ADCY10: variants seen among roughly 807,000 people sequenced by gnomAD.
The protein encoded by ADCY10 is adenylate cyclase 10, also known as adenylate cyclase type 10.
A neutral mutation model predicts 183.3 loss-of-function variants in ADCY10; 156 were observed. The observed-to-expected ratio is 0.85, with a 90% CI of 0.75 to 0.97. The LOEUF is 0.97. Ranked by LOEUF, ADCY10 falls within the 50% of genes least tolerant of loss-of-function variation. The pLI, the probability that ADCY10 is intolerant of heterozygous loss-of-function variation, is 0.00. For missense variants in ADCY10, 1,745 were observed against 1,934.3 expected, an observed-to-expected ratio of 0.90 and a Z score of 1.84; for synonymous variants, 645 against 670.0, an observed-to-expected ratio of 0.96 and a Z score of 0.58.
Position 167,901,741 on chromosome 1 carries a change from T to C in ADCY10, c.357A>G (p.Val119=). The part of the protein sequence containing the change: ...RKQLKNIITV[V]IKCSLEIHGL... Reference sequence around the variant, plus strand: ...CATGGATCTCCAGGCTACATTTAATTACCACTGTGATAATGTTTTTCAGCT... The same window carrying C: ...CATGGATCTCCAGGCTACATTTAATCACCACTGTGATAATGTTTTTCAGCT... The change falls in exon 5 of 33, where the codon GTA becomes GTG. Residue 119 remains valine, a synonymous_variant. Coordinates refer to ENST00000367851, the MANE Select transcript of ADCY10 (RefSeq NM_018417.6). The C allele has an allele frequency of 1.2e-6, 2 of 1,614,202 alleles. No individual in the cohort carries two copies. Among genetic ancestry groups the C allele is most frequent in the South Asian group, 1.1e-5 (1 of 91,084 alleles).
At chr1:167,823,283 G>C (rs1663038193) in intron 28 of ADCY10, among the ~76,000 whole-genome samples, 160 bp from the exon 29 acceptor site, 1 of 151,958 alleles carries the variant, frequency 6.6e-6, no homozygotes, top group Non-Finnish European at 1.5e-5. Context: ...AAATTAGCTG[G>C]GCATGGTGGC....
chr1:167,885,161 T>C (rs940038120), intron 8 of ADCY10, among the ~76,000 whole-genome samples: 7 of 152,260 alleles, frequency 4.6e-5, no homozygotes, highest in African/African-American at 1.4e-4. Flanking sequence ...TGTGTATATG[T>C]ACCACATTTT....
chr1:167,896,919 G>A (rs2102383401), intron 6 of ADCY10, among the ~76,000 whole-genome samples: 1 of 152,266 alleles, frequency 6.6e-6, no homozygotes, highest in African/African-American at 2.4e-5. Context: ...TGTACAGAGA[G>A]GGTCATTCCA....
chr1:167,842,809 A>C (rs1271799600), intron 21 of ADCY10, among the ~76,000 whole-genome samples: 1 of 152,152 alleles, frequency 6.6e-6, no homozygotes, highest in African/African-American at 2.4e-5. Flanking sequence ...ATAGCCAGAA[A>C]ACAGATGTCA....
intron 7 of ADCY10, among the ~76,000 whole-genome samples, chr1:167,894,799 T>C (rs1668845479): frequency 6.6e-6 from 1 of 152,106 alleles, no homozygotes; most frequent in South Asian, 2.1e-4. Context: ...GCCGGTGGTC[T>C]GGGGATCCCA....
In ADCY10 at chr1:167,834,400, A is replaced by G. The variant is rs538356712; in HGVS notation, c.3310-323T>C. The G allele has an allele frequency of 1.3e-4, 53 of 421,824 alleles. No individual in the cohort carries two copies. In the Admixed American group the frequency reaches 1.4e-3, roughly 11 times the overall value. 26.1% of individuals were successfully genotyped at this position (421,824 alleles called of 1,614,324 possible). A position where few individuals can be genotyped will look rare whatever the true frequency, so the allele number is the denominator to read the frequency against. On this transcript the variant is annotated intron_variant, in intron 23 of 32. Coordinates refer to ENST00000367851, the MANE Select transcript of ADCY10 (RefSeq NM_018417.6). ...CCCTCAAGCCAGTTTCTTCCTCTCA[A>G]TAATTCTATCCCCAACCTCCCTATT...
intron 31 of ADCY10, among the ~76,000 whole-genome samples, chr1:167,812,978 GA>G (rs1212528305): frequency 6.6e-6 from 1 of 152,050 alleles, no homozygotes; most frequent in Admixed American, 6.5e-5. Context: ...AAAGATTGAA[GA>G]AAAGTTAACA....
intron 11 of ADCY10, 101 bp from the exon 12 acceptor site, chr1:167,878,736 C>T (rs1235947395): frequency 8.3e-7 from 1 of 1,202,496 alleles, no homozygotes; most frequent in Non-Finnish European, 1.2e-6. Flanking sequence ...ACCCTTTACT[C>T]CCTTTGCTGT....
intron 7 of ADCY10, 35 bp from the exon 8 acceptor site, chr1:167,893,976 G>A (rs765574833): frequency 3.4e-5 from 52 of 1,529,480 alleles, no homozygotes; most frequent in Middle Eastern, 1.7e-4. Context: ...GGCTCAGAGA[G>A]GGAAGTTTGG....
rs79507753 is a variant in ADCY10, at chr1:167,901,313, A to G, written c.436+349T>C. ...ACTATGTAATGGCAAGCTAGTCTCT[A>G]TTTTGTTTTATACTGCACAACCTTG... On this transcript the variant is annotated intron_variant, in intron 5 of 32. Coordinates refer to ENST00000367851, the MANE Select transcript of ADCY10 (RefSeq NM_018417.6). Among the ~76,000 whole-genome samples, 574 of 152,240 alleles carry G rather than the reference A, an allele frequency of 3.8e-3. 5 individuals are homozygous for G. Among genetic ancestry groups the G allele is most frequent in the African/African-American group, 0.013 (550 of 41,538 alleles).
chr1:167,848,450 G>T lies in ADCY10; in HGVS notation c.2348C>A (p.Thr783Asn). The part of the protein sequence containing the change: ...IKLTEKLNMV[T>N]LHSDKESEEV... ...TTCACTTTCCTTATCACTATGGAGA[G>T]TAACCATGTTTAACTTCTCTGTTAG... is the stretch of plus-strand genomic sequence containing the variant. The change falls in exon 19 of 33, where the codon ACT (threonine) becomes AAT (asparagine). Residue 783 changes from threonine (T) to asparagine (N), a missense_variant. Transcript: ENST00000367851. 6.2e-7 allele frequency: 1 copy of T among 1,613,612 alleles called. No homozygotes were observed. Among genetic ancestry groups the T allele is most frequent in the South Asian group, 1.1e-5 (1 of 91,076 alleles).
At chr1:167,861,174 G>T in intron 14 of ADCY10, 111 bp from the exon 15 acceptor site, 1 of 926,416 alleles carries the variant, frequency 1.1e-6, no homozygotes, top group Non-Finnish European at 1.7e-6. Context: ...TAATGATGGA[G>T]ATTTTCCAAG....
At chr1:167,827,631 C>G (rs1461075605) in intron 26 of ADCY10, among the ~76,000 whole-genome samples, 2 of 151,926 alleles carry the variant, frequency 1.3e-5, no homozygotes, top group Admixed American at 1.3e-4. Flanking sequence ...TCCTGGGAGC[C>G]CTAGGGATCC....
chr1:167,850,998 TAGAC>T (rs1665439095), intron 18 of ADCY10, among the ~76,000 whole-genome samples: 1 of 152,096 alleles, frequency 6.6e-6, no homozygotes, highest in African/African-American at 2.4e-5. Flanking sequence ...AAAAGGGTGA[TAGAC>T]AGAATGTACT....
At chr1:167,813,092 A>G (rs998297204) in intron 31 of ADCY10, among the ~76,000 whole-genome samples, 2 of 152,240 alleles carry the variant, frequency 1.3e-5, no homozygotes, top group African/African-American at 4.8e-5. Context: ...GAATATTTGA[A>G]GAAATAATGG....
Position 167,859,877 on chromosome 1 carries a change from T to G in ADCY10, c.1826A>C (p.Glu609Ala), listed in dbSNP as rs1258565655. The change falls in exon 16 of 33, where the codon GAG becomes GCG. Residue 609 changes from glutamate to alanine, a missense_variant. Glu to Ala is a moderately radical substitution (Grantham distance 107). Transcript: ENST00000367851. ...IFHVQFPISR[E>A]ISRMSTLKKQ... The stretch of plus-strand genomic sequence containing the variant: ...TTTCAAGGTGCTCATCCTGGAAATC[T>G]CCCGAGAAATAGGGAACTGTACAAA... 1 of 1,611,310 alleles carries G rather than the reference T, an allele frequency of 6.2e-7. No homozygotes were observed. Among genetic ancestry groups the G allele is most frequent in the Non-Finnish European group, 8.5e-7 (1 of 1,177,448 alleles).
Position 167,819,865 on chromosome 1 carries a change from T to C in ADCY10, c.4287-1598A>G, listed in dbSNP as rs1662776965. On this transcript the variant is annotated intron_variant, in intron 30 of 32. Coordinates refer to ENST00000367851, the MANE Select transcript of ADCY10 (RefSeq NM_018417.6). Reference sequence around the variant, plus strand: ...CAGGTGTCAGCCACCGCGCCCGGCATGATTTTCTAATAGCCAAATATTTAA... The same window carrying C: ...CAGGTGTCAGCCACCGCGCCCGGCACGATTTTCTAATAGCCAAATATTTAA... 6.3e-6 allele frequency: 5 copies of C among 793,962 alleles called. No individual in the cohort carries two copies. The East Asian group carries it at 1.0e-4, about 16-fold the overall frequency. 49.2% of individuals were successfully genotyped at this position (793,962 alleles called of 1,614,324 possible).
chr1:167,825,004 T>C, intron 26 of ADCY10, 149 bp from the exon 27 acceptor site: 1 of 821,558 alleles, frequency 1.2e-6, no homozygotes, highest in Non-Finnish European at 2.0e-6. Context: ...GAAATAGAAA[T>C]CAAATTGGGT....
At chr1:167,886,678 A>G (rs2102300256) in intron 8 of ADCY10, among the ~76,000 whole-genome samples, 1 of 152,336 alleles carries the variant, frequency 6.6e-6, no homozygotes, top group East Asian at 1.9e-4. Context: ...AATGGCAACA[A>G]AAACCAAAAT....
Sources: gnomAD v4.1 joint callset for allele counts (sites outside exome capture counted in the v4.1 genomes callset) on GRCh38, gnomAD v4.1.1 for gene constraint, MANE v1.5 for transcripts, NCBI Gene and HGNC (gene_info 2026-07-23, HGNC 2026-07-21) for gene names.